The following SLC6A6 variants were observed in gnomAD, a reference collection of about 807,000 sequenced individuals.
The protein encoded by SLC6A6 is solute carrier family 6 member 6, also known as sodium- and chloride-dependent taurine transporter.
Under a neutral mutation model 68.8 loss-of-function variants are expected in SLC6A6, and 16 were observed. That is an observed-to-expected ratio of 0.23 (90% CI 0.16 to 0.35). The LOEUF (loss-of-function observed/expected upper bound fraction) is 0.35, where lower values mean the gene tolerates loss of function less well. Among genes scored for constraint, SLC6A6 ranks in the 10% least tolerant of loss-of-function variants. The pLI, the probability that SLC6A6 is intolerant of heterozygous loss-of-function variation, is 1.00. For synonymous variants in SLC6A6, 312 were observed against 315.4 expected (o/e 0.99, Z 0.12); for missense variants, 474 against 802.8 (o/e 0.59, Z 4.95).
chr3:14,448,133 C>A, intron 5 of SLC6A6: 2 of 1,015,336 alleles, frequency 2.0e-6, no homozygotes, highest in Non-Finnish European at 2.5e-6. Context: ...AAAAATGATA[C>A]AGTTTTCTTA....
At chr3:14,434,531 GCT>G (rs1214265354) in intron 2 of SLC6A6, among the ~76,000 whole-genome samples, 25 of 152,232 alleles carry the variant, frequency 1.6e-4, no homozygotes, top group Non-Finnish European at 7.3e-5. Context: ...AACAGCCACT[GCT>G]TGCCAAAGCC....
At chr3:14,448,843 G>T (rs1040711834) in intron 5 of SLC6A6, among the ~76,000 whole-genome samples, 27 of 152,180 alleles carry the variant, frequency 1.8e-4, no homozygotes, top group African/African-American at 5.8e-4. Context: ...TCAAAAATAG[G>T]CTACTGCATC....
In SLC6A6 at chr3:14,481,859, G is replaced by C. The variant is rs1020984596; in HGVS notation, c.1722+18G>C. On this transcript the variant is annotated intron_variant, in intron 14 of 14. Transcript: ENST00000622186. The surrounding 1 kb of genome is among the most constrained non-coding windows in gnomAD (Gnocchi z 4.7). ...TCCTTGTGGTAAGTGCTTGGGCCCAGGGCCAGGGGAGGTGGGAGGCGCGAG... is the reference window on the plus strand; with the variant it reads ...TCCTTGTGGTAAGTGCTTGGGCCCACGGCCAGGGGAGGTGGGAGGCGCGAG... 1.2e-6 allele frequency: 2 copies of C among 1,608,304 alleles called. No individual in the cohort carries two copies. The highest frequency in any genetic ancestry group is 2.7e-5 in the African/African-American group (2 of 74,814).
intron 7 of SLC6A6, 38 bp from the exon 8 acceptor site, chr3:14,467,815 C>T (rs771540300): frequency 3.7e-6 from 5 of 1,357,028 alleles, no homozygotes; most frequent in Admixed American, 3.7e-5. Context: ...CTCTGACAGC[C>T]CTCCTCTCTT....
At chr3:14,464,945 C>T (rs1700581355) in intron 6 of SLC6A6, among the ~76,000 whole-genome samples, 1 of 152,190 alleles carries the variant, frequency 6.6e-6, no homozygotes, top group Non-Finnish European at 1.5e-5. Context: ...AGAGGTTAGC[C>T]CTCCACAGGC....
At chr3:14,411,934 C>G (rs1482027884) in intron 1 of SLC6A6, among the ~76,000 whole-genome samples, 1 of 152,212 alleles carries the variant, frequency 6.6e-6, no homozygotes, top group Non-Finnish European at 1.5e-5. Context: ...GGCTAATGCC[C>G]TTTTAAAATC....
At chr3:14,471,504 G>T (rs570502206) in intron 9 of SLC6A6, among the ~76,000 whole-genome samples, 1 of 152,140 alleles carries the variant, frequency 6.6e-6, no homozygotes, top group Admixed American at 6.5e-5. Context: ...GCCCTGAGAG[G>T]GTATGGGGTG....
At chr3:14,436,531 C>CTTTTTTTTTTTTTTTTTTT (rs58996264) in intron 2 of SLC6A6, among the ~76,000 whole-genome samples, 3 of 112,464 alleles carry the variant, frequency 2.7e-5, no homozygotes, top group East Asian at 3.3e-4. Context: ...CAACAACTCC[C>CTTTTTTTTTTTTTTTTTTT]TTTTTTTTTT....
At chr3:14,476,125 G>A (rs574886136) in intron 10 of SLC6A6, among the ~76,000 whole-genome samples, 1 of 152,348 alleles carries the variant, frequency 6.6e-6, no homozygotes, top group East Asian at 1.9e-4. Context: ...CTTGGAGGGT[G>A]TGTTGGTTGG....
At chr3:14,475,654 C>T (rs969532710) in intron 10 of SLC6A6, among the ~76,000 whole-genome samples, 1 of 152,160 alleles carries the variant, frequency 6.6e-6, no homozygotes, top group Non-Finnish European at 1.5e-5. Flanking sequence ...GGTCTTGGCC[C>T]TGATTCACAG....
rs1701205158 is a variant in SLC6A6 at position 14,487,583 on chromosome 3, G to A, written c.*2576G>A. 1 of 152,282 alleles carries A rather than the reference G, an allele frequency of 6.6e-6. No homozygotes were observed. The highest frequency in any genetic ancestry group is 6.5e-5 in the Admixed American group (1 of 15,278). The allele number at this position is 152,282 out of a possible 1,614,324, so 9.4% of individuals were successfully genotyped here. On this transcript the variant is annotated 3_prime_UTR_variant, in exon 15 of 15. Transcript: ENST00000622186. ...AGCCCAGCCAGCCAGATCTGGAAAGGAAGCGAGGGGGTTGTTTAAATCAAT... is the reference window on the plus strand; with the variant it reads ...AGCCCAGCCAGCCAGATCTGGAAAGAAAGCGAGGGGGTTGTTTAAATCAAT...
intron 14 of SLC6A6, among the ~76,000 whole-genome samples, chr3:14,483,790 T>A (rs775316403): frequency 2.0e-5 from 3 of 152,128 alleles, no homozygotes; most frequent in Non-Finnish European, 4.4e-5. Context: ...CAAGCAATCT[T>A]CTTTCCTCAG....
Position 14,402,915 on chromosome 3 carries a change from C to T in SLC6A6, c.-54+68C>T. ...CGCCGTCTGCAGCCCCTCCCCATCC[C>T]CGCGTCGCCGCAGTCCCGGCCTCCT... is the stretch of plus-strand genomic sequence containing the variant. On this transcript the variant is annotated intron_variant, in intron 1 of 14. Coordinates refer to ENST00000622186, the MANE Select transcript of SLC6A6 (RefSeq NM_003043.6). This position sits in a 1 kb window ranked among gnomAD's most constrained non-coding sequence, Gnocchi z 4.8. The T allele has an allele frequency of 2.6e-6, 1 of 387,970 alleles. No individual in the cohort carries two copies. Among genetic ancestry groups the T allele is most frequent in the Admixed American group, 4.5e-5 (1 of 22,322 alleles). 24.0% of individuals were successfully genotyped at this position (387,970 alleles called of 1,614,324 possible). A position where few individuals can be genotyped will look rare whatever the true frequency, so the allele number is the denominator to read the frequency against.
At chr3:14,445,192 G>A (rs1428999167) in intron 3 of SLC6A6, among the ~76,000 whole-genome samples, 1 of 152,170 alleles carries the variant, frequency 6.6e-6, no homozygotes. Flanking sequence ...GGAGGCCAAG[G>A]CGGGCGGATC....
At chr3:14,433,865 C>T (rs1699791056) in intron 2 of SLC6A6, among the ~76,000 whole-genome samples, 1 of 151,210 alleles carries the variant, frequency 6.6e-6, no homozygotes, top group Non-Finnish European at 1.5e-5. Context: ...CAACATGGGC[C>T]CTTAAGTTCC....
chr3:14,468,068 C>G lies in SLC6A6; in HGVS notation c.972-20C>G. On this transcript the variant is annotated intron_variant, in intron 8 of 14. Coordinates refer to ENST00000622186, the MANE Select transcript of SLC6A6 (RefSeq NM_003043.6). The surrounding 1 kb of genome is among the most constrained non-coding windows in gnomAD (Gnocchi z 4.5). Reference sequence around the variant, plus strand: ...CTTGTGTTGTGAATTAACTTGCTCCCTGACATATGTGTAACTTAGGGACTG... The same window carrying G: ...CTTGTGTTGTGAATTAACTTGCTCCGTGACATATGTGTAACTTAGGGACTG... 6.2e-7 allele frequency: 1 copy of G among 1,614,122 alleles called. No individual in the cohort carries two copies. Among genetic ancestry groups the G allele is most frequent in the South Asian group, 1.1e-5 (1 of 91,080 alleles).
chr3:14,477,437 G>A lies in SLC6A6; in HGVS notation c.1347+95G>A. ...AGCAGCTGGGTGAGAGGGCCAGGTAGGGGCTTCATCTCCCAGCCCCACCCA... is the reference window on the plus strand; with the variant it reads ...AGCAGCTGGGTGAGAGGGCCAGGTAAGGGCTTCATCTCCCAGCCCCACCCA... On this transcript the variant is annotated intron_variant, in intron 11 of 14. Coordinates refer to ENST00000622186, the MANE Select transcript of SLC6A6 (RefSeq NM_003043.6). This position sits in a 1 kb window ranked among gnomAD's most constrained non-coding sequence, Gnocchi z 4.2. 1 of 1,283,826 alleles carries A rather than the reference G, an allele frequency of 7.8e-7. No individual in the cohort carries two copies. Among genetic ancestry groups the A allele is most frequent in the Non-Finnish European group, 1.1e-6 (1 of 901,174 alleles). 79.5% of individuals were successfully genotyped at this position (1,283,826 alleles called of 1,614,324 possible).
At chr3:14,405,798 G>A (rs1699094794) in intron 1 of SLC6A6, among the ~76,000 whole-genome samples, 1 of 152,206 alleles carries the variant, frequency 6.6e-6, no homozygotes, top group South Asian at 2.1e-4. Flanking sequence ...CCTTGGTTAA[G>A]GTCAGCTCTG....
chr3:14,460,116 G>A (rs1340977074), intron 6 of SLC6A6, among the ~76,000 whole-genome samples: 3 of 152,020 alleles, frequency 2.0e-5, no homozygotes, highest in Non-Finnish European at 2.9e-5. Context: ...TGGAGCACTG[G>A]TCCTGAGCAG....
Sources: allele counts gnomAD v4.1 joint callset (sites outside exome capture counted in the v4.1 genomes callset), GRCh38; gene constraint gnomAD v4.1.1; non-coding constraint Gnocchi (gnomAD v3.1); transcripts MANE v1.5; gene names NCBI Gene and HGNC (gene_info 2026-07-23, HGNC 2026-07-21).